Variants in IL1RAPL2 observed in about 807,000 individuals in gnomAD.
IL1RAPL2 encodes the protein interleukin 1 receptor accessory protein like 2.
A neutral mutation model predicts 44.1 loss-of-function variants in IL1RAPL2; 3 were observed. The observed-to-expected ratio is 0.07, with a 90% CI of 0.03 to 0.18. The LOEUF is 0.18. IL1RAPL2 is among the 10% of genes least tolerant of loss of function. The pLI is 1.00. For synonymous variants in IL1RAPL2, 181 were observed against 178.8 expected, an observed-to-expected ratio of 1.01 and a Z score of -0.10; for missense variants, 391 against 496.4, an observed-to-expected ratio of 0.79 and a Z score of 2.02.
At chrX:105,603,939 G>A (rs2037273647) in intron 6 of IL1RAPL2, among the ~76,000 whole-genome samples, 1 of 110,870 alleles carries the variant, frequency 9.0e-6, no homozygotes, top group South Asian at 3.7e-4. Flanking sequence ...ATATTTAGAA[G>A]GATGTAAAAA....
chrX:104,759,134 C>T (rs1333894261), intron 2 of IL1RAPL2, among the ~76,000 whole-genome samples: 2 of 112,332 alleles, frequency 1.8e-5, no homozygotes, highest in Non-Finnish European at 3.8e-5. Context: ...GAATTTAGAT[C>T]AACAATGTAA....
At chrX:105,698,856 GAAGAA>G (rs1199451973) in intron 6 of IL1RAPL2, among the ~76,000 whole-genome samples, 2 of 111,785 alleles carry the variant, frequency 1.8e-5, no homozygotes, top group South Asian at 3.7e-4. Context: ...TTATAAACCT[GAAGAA>G]AATTCCTAAA....
At chrX:104,716,636 G>T (rs1931572094) in intron 2 of IL1RAPL2, among the ~76,000 whole-genome samples, 1 of 111,082 alleles carries the variant, frequency 9.0e-6, no homozygotes, top group African/African-American at 3.3e-5. Context: ...CTTCTCAAAA[G>T]AAGACATACA....
chrX:105,008,829 A>G (rs1163426396), intron 2 of IL1RAPL2, among the ~76,000 whole-genome samples: 1 of 111,902 alleles, frequency 8.9e-6, no homozygotes, highest in Admixed American at 9.5e-5. Flanking sequence ...ACAGAATGGG[A>G]GAAAATGTTT....
intron 2 of IL1RAPL2, among the ~76,000 whole-genome samples, chrX:105,175,061 G>A (rs2033460228): frequency 9.0e-6 from 1 of 111,503 alleles, no homozygotes; most frequent in Non-Finnish European, 1.9e-5. Flanking sequence ...TGTCTTATAA[G>A]GTTGTTGTGA....
intron 7 of IL1RAPL2, among the ~76,000 whole-genome samples, chrX:105,725,764 T>C (rs934013198): frequency 8.9e-6 from 1 of 111,836 alleles, no homozygotes; most frequent in African/African-American, 3.2e-5. Flanking sequence ...TCCTTGGTTT[T>C]CCCAAAGTTG....
At chrX:105,408,894 T>C (rs748913383) in intron 5 of IL1RAPL2, among the ~76,000 whole-genome samples, 75 of 107,244 alleles carry the variant, frequency 7.0e-4, no homozygotes, top group African/African-American at 2.3e-3. Context: ...AAAAAAAGAG[T>C]GAAACCCAGG....
At chrX:104,950,878 T>G (rs1450073719) in intron 2 of IL1RAPL2, among the ~76,000 whole-genome samples, 1 of 111,116 alleles carries the variant, frequency 9.0e-6, no homozygotes. Context: ...CGGCTAATTC[T>G]GGTGCGCTGT....
intron 2 of IL1RAPL2, among the ~76,000 whole-genome samples, chrX:104,720,944 A>T (rs775367706): frequency 1.3e-4 from 15 of 111,384 alleles, no homozygotes; most frequent in Non-Finnish European, 2.3e-4. Context: ...AACATAACTG[A>T]TCATTAGAGA....
intron 1 of IL1RAPL2, among the ~76,000 whole-genome samples, chrX:104,633,858 G>T (rs373075567): frequency 7.1e-4 from 79 of 110,930 alleles, no homozygotes; most frequent in African/African-American, 2.5e-3. Context: ...TTCTGCTCTG[G>T]TCTTAGTTAT....
intron 6 of IL1RAPL2, among the ~76,000 whole-genome samples, chrX:105,597,896 A>AT (rs889293694): frequency 6.3e-5 from 7 of 111,058 alleles, no homozygotes; most frequent in African/African-American, 1.3e-4. Flanking sequence ...CAGTATGGAC[A>AT]TTTTTTTTCA....
intron 1 of IL1RAPL2, among the ~76,000 whole-genome samples, chrX:104,588,051 T>C (rs1235592899): frequency 8.9e-6 from 1 of 111,967 alleles, no homozygotes; most frequent in African/African-American, 3.3e-5. Flanking sequence ...AATGAGGGCT[T>C]TGAGGAATTT....
chrX:104,585,221 T>TC (rs1447096288), intron 1 of IL1RAPL2, among the ~76,000 whole-genome samples: 46 of 54,897 alleles, frequency 8.4e-4, no homozygotes, highest in African/African-American at 4.1e-3. Context: ...CACATATATG[T>TC]ATATATGTGT....
intron 2 of IL1RAPL2, among the ~76,000 whole-genome samples, chrX:104,948,009 G>C (rs1283878322): frequency 4.5e-5 from 5 of 111,170 alleles, no homozygotes; most frequent in Non-Finnish European, 9.4e-5. Context: ...ACCTTGGGCA[G>C]TATGGCAATT....
intron 2 of IL1RAPL2, among the ~76,000 whole-genome samples, chrX:105,114,831 C>T (rs2032837502): frequency 8.9e-6 from 1 of 111,908 alleles, no homozygotes; most frequent in Admixed American, 9.5e-5. Flanking sequence ...ATTGCTCCTC[C>T]CCTATTCTTT....
chrX:105,082,468 C>T (rs1032024255), intron 2 of IL1RAPL2, among the ~76,000 whole-genome samples: 1 of 111,624 alleles, frequency 9.0e-6, no homozygotes, highest in Non-Finnish European at 1.9e-5. Flanking sequence ...CAGACTGCTT[C>T]CTCAAGTGGT....
At chrX:105,016,869 G>T (rs1368734344) in intron 2 of IL1RAPL2, among the ~76,000 whole-genome samples, 1 of 111,360 alleles carries the variant, frequency 9.0e-6, no homozygotes, top group Non-Finnish European at 1.9e-5. Context: ...CTGTTGTTTG[G>T]AATAGTTTCA....
intron 2 of IL1RAPL2, among the ~76,000 whole-genome samples, chrX:104,809,776 T>C (rs1932958802): frequency 8.9e-6 from 1 of 111,773 alleles, no homozygotes; most frequent in Admixed American, 9.5e-5. Context: ...CTATTGCTTT[T>C]GGTGTTTTAG....
At chrX:105,492,219 G>A (rs2036325273) in intron 6 of IL1RAPL2, among the ~76,000 whole-genome samples, 2 of 111,220 alleles carry the variant, frequency 1.8e-5, no homozygotes, top group African/African-American at 6.5e-5. Context: ...TTGCAGATGA[G>A]GAAACGTAAC....
Sources: allele counts gnomAD v4.1 joint callset (sites outside exome capture counted in the v4.1 genomes callset), GRCh38; gene constraint gnomAD v4.1.1; transcripts MANE v1.5; gene names NCBI Gene and HGNC (gene_info 2026-07-23, HGNC 2026-07-21).